The following PPP1R9A variants were observed in gnomAD, a reference collection of about 807,000 sequenced individuals.
PPP1R9A encodes the protein protein phosphatase 1 regulatory subunit 9A.
A neutral mutation model predicts 141.9 loss-of-function variants in PPP1R9A; 59 were observed. The ratio of observed to expected loss-of-function variants is 0.42; its 90% CI spans 0.34 to 0.52. The LOEUF (loss-of-function observed/expected upper bound fraction) is 0.52, where lower values mean the gene tolerates loss of function less well. Ranked by LOEUF, PPP1R9A falls within the 20% of genes least tolerant of loss-of-function variation. The pLI is 0.10. For synonymous variants in PPP1R9A, 500 were observed against 569.7 expected (o/e 0.88, Z 1.74); for missense variants, 1,444 against 1,611.9 (o/e 0.90, Z 1.78).
At position 95,070,593 on chromosome 7, in the gene PPP1R9A, GTA is replaced by G. The variant is rs71961632; in HGVS notation, c.1396-40649_1396-40648del. On this transcript the variant is annotated intron_variant, in intron 2 of 19. Transcript: ENST00000433360. Reference sequence around the variant, plus strand: ...ATTTCAATTATTTTTTAAATCTCTGGTATATATATATATATATACACACACAC... The same window carrying G: ...ATTTCAATTATTTTTTAAATCTCTGGTATATATATATATATACACACACAC... Among the ~76,000 whole-genome samples, 134 of 111,646 alleles carry G rather than the reference GTA, an allele frequency of 1.2e-3. 3 individuals carry two copies. The highest frequency in any genetic ancestry group is 1.5e-3 in the Non-Finnish European group (79 of 52,170). 73.2% of individuals were successfully genotyped at this position (111,646 alleles called of 152,430 possible). A position where few individuals can be genotyped will look rare whatever the true frequency, so the allele number is the denominator to read the frequency against.
chr7:95,193,469 CA>C (rs774217356), intron 5 of PPP1R9A, among the ~76,000 whole-genome samples: 8 of 151,924 alleles, frequency 5.3e-5, no homozygotes, highest in East Asian at 1.9e-4. Flanking sequence ...TGATTTTGAG[CA>C]ACTGTGCCTT....
At chr7:94,987,957 A>G (rs541208989) in intron 2 of PPP1R9A, among the ~76,000 whole-genome samples, 1 of 152,220 alleles carries the variant, frequency 6.6e-6, no homozygotes, top group Non-Finnish European at 1.5e-5. Flanking sequence ...TAATATTCTA[A>G]CTTAAAGGTG....
intron 2 of PPP1R9A, among the ~76,000 whole-genome samples, chr7:95,054,873 C>G (rs781340718): frequency 6.6e-6 from 1 of 151,356 alleles, no homozygotes; most frequent in East Asian, 1.9e-4. Flanking sequence ...ATTCATTACC[C>G]TACTTCCAGT....
chr7:94,993,812 GT>G (rs1801817206), intron 2 of PPP1R9A, among the ~76,000 whole-genome samples: 1 of 152,106 alleles, frequency 6.6e-6, no homozygotes, highest in East Asian at 1.9e-4. Context: ...AGACTGCCAT[GT>G]TGTCTGTGAA....
At chr7:94,943,369 T>G (rs1795546410) in intron 2 of PPP1R9A, among the ~76,000 whole-genome samples, 1 of 152,214 alleles carries the variant, frequency 6.6e-6, no homozygotes, top group African/African-American at 2.4e-5. Context: ...AATTTCTTCC[T>G]GTAAACAAAT....
chr7:94,965,281 C>A (rs1392362991), intron 2 of PPP1R9A, among the ~76,000 whole-genome samples: 1 of 152,032 alleles, frequency 6.6e-6, no homozygotes, highest in Non-Finnish European at 1.5e-5. Context: ...CCTGTTCACT[C>A]TGGTAATAGT....
intron 12 of PPP1R9A, among the ~76,000 whole-genome samples, chr7:95,265,120 C>A (rs914773335): frequency 5.3e-5 from 8 of 151,990 alleles, no homozygotes; most frequent in Non-Finnish European, 8.8e-5. Flanking sequence ...AAAAAAAATC[C>A]CTCAGTGTTG....
At chr7:95,024,138 A>C (rs1019964202) in intron 2 of PPP1R9A, among the ~76,000 whole-genome samples, 2 of 152,164 alleles carry the variant, frequency 1.3e-5, no homozygotes, top group South Asian at 4.2e-4. Context: ...TTGCACTGTG[A>C]TCTGAGAGAC....
intron 5 of PPP1R9A, among the ~76,000 whole-genome samples, chr7:95,197,321 A>G (rs1172478281): frequency 6.6e-6 from 1 of 152,234 alleles, no homozygotes; most frequent in African/African-American, 2.4e-5. Flanking sequence ...ATGTTAAAAA[A>G]TGAATATTAA....
intron 2 of PPP1R9A, among the ~76,000 whole-genome samples, chr7:94,990,967 T>C (rs1233055921): frequency 6.6e-6 from 1 of 152,130 alleles, no homozygotes; most frequent in East Asian, 1.9e-4. Flanking sequence ...CCTGATTTAA[T>C]TTCATATCTT....
At chr7:95,113,559 C>T (rs1042707245) in intron 3 of PPP1R9A, among the ~76,000 whole-genome samples, 2 of 152,172 alleles carry the variant, frequency 1.3e-5, no homozygotes, top group African/African-American at 4.8e-5. Context: ...AGCAAATATA[C>T]TTGCAAAGGC....
At chr7:95,027,117 G>A (rs1806967078) in intron 2 of PPP1R9A, among the ~76,000 whole-genome samples, 1 of 152,088 alleles carries the variant, frequency 6.6e-6, no homozygotes, top group African/African-American at 2.4e-5. Context: ...GGTGTTACAG[G>A]TGCCACCGGG....
At chr7:94,998,592 T>C (rs1454195374) in intron 2 of PPP1R9A, among the ~76,000 whole-genome samples, 2 of 152,222 alleles carry the variant, frequency 1.3e-5, no homozygotes, top group Non-Finnish European at 2.9e-5. Flanking sequence ...GTATGGCGCA[T>C]TGAGTCCACA....
At chr7:95,260,234 A>C (rs577145096) in intron 12 of PPP1R9A, among the ~76,000 whole-genome samples, 2 of 152,326 alleles carry the variant, frequency 1.3e-5, no homozygotes, top group South Asian at 2.1e-4. Flanking sequence ...GTAAACTATT[A>C]AAACTTTTGT....
intron 18 of PPP1R9A, chr7:95,287,028 T>C: frequency 7.0e-7 from 1 of 1,433,510 alleles, no homozygotes; most frequent in East Asian, 2.3e-5. Flanking sequence ...TTTAATTTTA[T>C]TAAAATTATG....
intron 7 of PPP1R9A, among the ~76,000 whole-genome samples, chr7:95,210,462 T>G (rs571745450): frequency 7.9e-5 from 12 of 152,020 alleles, no homozygotes; most frequent in African/African-American, 2.4e-4. Context: ...AAGGGTGTGT[T>G]CAAAAAAATT....
chr7:94,983,892 C>T (rs548125149), intron 2 of PPP1R9A, among the ~76,000 whole-genome samples: 9 of 152,174 alleles, frequency 5.9e-5, no homozygotes, highest in Non-Finnish European at 1.3e-4. Flanking sequence ...TGAGAGAGGG[C>T]ATCCCTGTCT....
At chr7:94,939,697 G>A (rs375235233) in intron 2 of PPP1R9A, among the ~76,000 whole-genome samples, 1 of 151,832 alleles carries the variant, frequency 6.6e-6, no homozygotes, top group East Asian at 1.9e-4. Flanking sequence ...TGACTTAGGT[G>A]AACATTGACT....
At chr7:94,962,792 G>A (rs891076269) in intron 2 of PPP1R9A, among the ~76,000 whole-genome samples, 4 of 152,070 alleles carry the variant, frequency 2.6e-5, no homozygotes, top group Non-Finnish European at 5.9e-5. Context: ...TCATTGACTT[G>A]AGCATGAAAG....
Sources: allele counts gnomAD v4.1 joint callset (sites outside exome capture counted in the v4.1 genomes callset), GRCh38; gene constraint gnomAD v4.1.1; transcripts MANE v1.5; gene names NCBI Gene and HGNC (gene_info 2026-07-23, HGNC 2026-07-21).